C5: variants seen among roughly 807,000 people sequenced by gnomAD.
The protein encoded by C5 is C3 and PZP-like alpha-2-macroglobulin domain-containing protein 4.
A neutral mutation model predicts 218.8 loss-of-function variants in C5; 140 were observed. That is an observed-to-expected ratio of 0.64 (90% CI 0.56 to 0.74). C5 has a LOEUF of 0.74. C5 is among the 30% of genes least tolerant of loss of function. The pLI, the probability that C5 is intolerant of heterozygous loss-of-function variation, is 0.00. For synonymous variants in C5, 614 were observed against 682.3 expected (o/e 0.90, Z 1.56); for missense variants, 1,700 against 1,969.6 (o/e 0.86, Z 2.59).
At chr9:121,074,835 A>C in the C5 span, 3 of 456,232 alleles carry the variant, frequency 6.6e-6, no homozygotes, top group Non-Finnish European at 1.3e-5. Flanking sequence ...ACTCCCCGGC[A>C]TCCTAGCGCG....
chr9:121,033,504 T>C (rs1376958609), intron 5 of C5, among the ~76,000 whole-genome samples: 1 of 152,184 alleles, frequency 6.6e-6, no homozygotes, highest in Non-Finnish European at 1.5e-5. Flanking sequence ...GGATGACATG[T>C]GCAAAGGCAC....
chr9:121,016,989 G>A (rs1023170686), intron 14 of C5, among the ~76,000 whole-genome samples: 1 of 152,094 alleles, frequency 6.6e-6, no homozygotes, highest in African/African-American at 2.4e-5. Flanking sequence ...TCTGTGCTAT[G>A]GATTTCAATG....
At position 121,016,321 on chromosome 9, in the gene C5, G is replaced by C. The variant is rs56371452; in HGVS notation, c.1929C>G (p.Ala643=). 3.9e-4 allele frequency: 636 copies of C among 1,614,042 alleles called. No homozygotes were observed. Among genetic ancestry groups the C allele is most frequent in the Non-Finnish European group, 4.9e-4 (578 of 1,179,944 alleles). The part of the protein sequence containing the change: ...GCGAGGGLNN[A]NVFHLAGLTF... Reference sequence around the variant, plus strand: ...TAAGTCCAGCTAGGTGGAACACATTGGCATTGTTGAGGCCACCACCTGCCC... The same window carrying C: ...TAAGTCCAGCTAGGTGGAACACATTCGCATTGTTGAGGCCACCACCTGCCC... The change falls in exon 15 of 41, where the codon GCC becomes GCG. Residue 643 remains alanine, a synonymous_variant. Transcript: ENST00000223642.
At chr9:120,966,588 A>G (rs1418628360) in intron 33 of C5, among the ~76,000 whole-genome samples, 2 of 152,166 alleles carry the variant, frequency 1.3e-5, no homozygotes, top group South Asian at 2.1e-4. Flanking sequence ...GTTTGCTTAC[A>G]CTTCCCTTTG....
At chr9:121,073,782 G>A in the C5 span, among the ~76,000 whole-genome samples, 1 of 152,018 alleles carries the variant, frequency 6.6e-6, no homozygotes, top group Non-Finnish European at 1.5e-5. Flanking sequence ...CCAAAGTGCT[G>A]GGATTACAGG....
intron 17 of C5, among the ~76,000 whole-genome samples, chr9:121,010,524 G>C (rs975292312): frequency 7.2e-5 from 11 of 152,046 alleles, no homozygotes; most frequent in Non-Finnish European, 1.6e-4. Context: ...CATATTCATG[G>C]ATTGGAAGAA....
chr9:121,022,245 T>A (rs2047372329), intron 10 of C5, among the ~76,000 whole-genome samples: 1 of 151,974 alleles, frequency 6.6e-6, no homozygotes, highest in East Asian at 1.9e-4. Flanking sequence ...CCCTTGAATA[T>A]GAGAAACAAA....
the C5 span, among the ~76,000 whole-genome samples, chr9:121,070,403 A>G: frequency 2.2e-5 from 3 of 133,990 alleles, no homozygotes; most frequent in Admixed American, 7.3e-5. Context: ...ATATATATAT[A>G]TATATATATA....
chr9:121,043,640 C>G (rs1254546714), intron 2 of C5, among the ~76,000 whole-genome samples: 1 of 151,866 alleles, frequency 6.6e-6, no homozygotes, highest in Non-Finnish European at 1.5e-5. Flanking sequence ...TCAAGTGATT[C>G]TCCTGCCTCA....
chr9:121,055,580 C>T, the C5 span, among the ~76,000 whole-genome samples: 1 of 152,126 alleles, frequency 6.6e-6, no homozygotes, highest in African/African-American at 2.4e-5. Context: ...TTCCCGAAGC[C>T]CCCGATTCCA....
intron 17 of C5, 23 bp from the exon 18 acceptor site, chr9:121,008,521 A>G (rs781344413): frequency 1.8e-5 from 28 of 1,521,260 alleles, no homozygotes; most frequent in Non-Finnish European, 2.5e-5. Flanking sequence ...ATCATATTCA[A>G]TTATGGAAAA....
At chr9:120,979,876 C>T (rs2046978960) in intron 28 of C5, among the ~76,000 whole-genome samples, 1 of 151,794 alleles carries the variant, frequency 6.6e-6, no homozygotes, top group Admixed American at 6.6e-5. Context: ...GAGAACCTGT[C>T]TTAAAAAAAA....
At chr9:121,040,051 T>C (rs2047563773) in intron 3 of C5, among the ~76,000 whole-genome samples, 2 of 152,162 alleles carry the variant, frequency 1.3e-5, no homozygotes, top group African/African-American at 2.4e-5. Context: ...CACAATTATA[T>C]GTAAAATTCT....
chr9:120,991,353 C>T, intron 22 of C5, 73 bp from the exon 23 acceptor site: 2 of 823,190 alleles, frequency 2.4e-6, no homozygotes, highest in Non-Finnish European at 2.1e-6. Context: ...TATAATGTAT[C>T]TACTTCCAAA....
chr9:121,031,209 A>G (rs767441767), intron 6 of C5, among the ~76,000 whole-genome samples: 48 of 152,186 alleles, frequency 3.2e-4, no homozygotes, highest in Non-Finnish European at 6.2e-4. Context: ...CAGAGCACAC[A>G]GAAATGCTAG....
Position 120,957,482 on chromosome 9 carries a change from G to A in C5, c.4679-114C>T, listed in dbSNP as rs183560749. 8.7e-5 allele frequency: 67 copies of A among 770,594 alleles called. No homozygotes were observed. In the Middle Eastern group the frequency reaches 1.0e-3, roughly 12 times the overall value. 47.7% of individuals were successfully genotyped at this position (770,594 alleles called of 1,614,324 possible). On this transcript the variant is annotated intron_variant, in intron 38 of 40. Coordinates refer to ENST00000223642, the MANE Select transcript of C5 (RefSeq NM_001735.3). ...AAATGAAGCATGGCAAACTATTATAGTTCTTATTTCCTCCAAGAAGCCTTC... is the reference window on the plus strand; with the variant it reads ...AAATGAAGCATGGCAAACTATTATAATTCTTATTTCCTCCAAGAAGCCTTC...
chr9:120,952,776 T>C lies in C5; in HGVS notation c.4994A>G (p.Asp1665Gly), dbSNP rs763160721. 1.9e-6 allele frequency: 3 copies of C among 1,613,920 alleles called. No individual in the cohort carries two copies. Among genetic ancestry groups the C allele is most frequent in the South Asian group, 2.2e-5 (2 of 91,076 alleles). Residue 1665 changes from aspartate (D) to glycine (G), a missense_variant, in exon 41 of 41, where the codon GAT becomes GGT. Coordinates refer to ENST00000223642, the MANE Select transcript of C5 (RefSeq NM_001735.3). ...SSCQAFLANLDEFAEDIFLNG... is the reference protein window; with the variant it reads ...SSCQAFLANLGEFAEDIFLNG... ...TAAAAAGATATCTTCGGCAAATTCATCTAAATTAGCTAAAAATGCTTGACA... is the reference window on the plus strand; with the variant it reads ...TAAAAAGATATCTTCGGCAAATTCACCTAAATTAGCTAAAAATGCTTGACA...
the C5 span, among the ~76,000 whole-genome samples, chr9:121,058,167 C>T: frequency 6.6e-6 from 1 of 152,182 alleles, no homozygotes; most frequent in African/African-American, 2.4e-5. Context: ...TTATTAGCTT[C>T]CAACATTTAT....
intron 17 of C5, among the ~76,000 whole-genome samples, chr9:121,011,657 G>A (rs772877786): frequency 6.6e-6 from 1 of 152,134 alleles, no homozygotes; most frequent in Non-Finnish European, 1.5e-5. Flanking sequence ...TCAGTACATC[G>A]AAGAGATATC....
Sources: gnomAD v4.1 joint callset for allele counts (sites outside exome capture counted in the v4.1 genomes callset) on GRCh38, gnomAD v4.1.1 for gene constraint, MANE v1.5 for transcripts, NCBI Gene and HGNC (gene_info 2026-07-23, HGNC 2026-07-21) for gene names.